Variants in CABLES2 observed in about 807,000 individuals in gnomAD.
The protein encoded by CABLES2 is Cdk5 and Abl enzyme substrate 2.
In CABLES2, 35 loss-of-function variants were observed where a neutral mutation model predicts 44.8. The ratio of observed to expected loss-of-function variants is 0.78; its 90% CI spans 0.60 to 1.04. The LOEUF is 1.04. Among genes scored for constraint, CABLES2 ranks in the 50% least tolerant of loss-of-function variants. The probability of loss-of-function intolerance (pLI) is 0.00; values close to 1 mark genes in which losing one functional copy is unlikely to be tolerated. For synonymous variants in CABLES2, 282 were observed against 281.1 expected (o/e 1.00, Z -0.03); for missense variants, 566 against 615.7 (o/e 0.92, Z 0.85).
intron 1 of CABLES2, among the ~76,000 whole-genome samples, chr20:62,398,784 G>A (rs1601476905): frequency 1.3e-5 from 2 of 152,300 alleles, no homozygotes; most frequent in South Asian, 2.1e-4. Context: ...CTGTGCCAGC[G>A]AGAGTGCCAC....
At chr20:62,394,073 C>G in intron 5 of CABLES2, 84 bp downstream of exon 5, 1 of 1,025,422 alleles carries the variant, frequency 9.8e-7, no homozygotes, top group South Asian at 1.3e-5. Context: ...TCACGTGTGC[C>G]TCGTGGGCAC....
chr20:62,391,783 G>A lies in CABLES2; in HGVS notation c.1092-330C>T, dbSNP rs1195175170. Among the ~76,000 whole-genome samples the A allele has an allele frequency of 6.6e-6, 1 of 152,004 alleles. No individual in the cohort carries two copies. The highest frequency in any genetic ancestry group is 1.9e-4 in the East Asian group (1 of 5,162). On this transcript the variant is annotated intron_variant, in intron 8 of 9. Coordinates refer to ENST00000279101, the MANE Select transcript of CABLES2 (RefSeq NM_031215.3). The surrounding 1 kb of genome is among the most constrained non-coding windows in gnomAD (Gnocchi z 5.7). ...TGGTCTCTGATGAGGGGTGGTTTTAGGAAGAGCCTTGAAGGGAGGTGCCAG... is the reference window on the plus strand; with the variant it reads ...TGGTCTCTGATGAGGGGTGGTTTTAAGAAGAGCCTTGAAGGGAGGTGCCAG...
rs202116054 is a variant in CABLES2 at position 62,394,225 on chromosome 20, C to T, written c.646G>A (p.Gly216Ser). The change falls in exon 5 of 10, where the codon GGC becomes AGC. Residue 216 changes from glycine to serine, a missense_variant. By Grantham distance (56) the Gly-to-Ser change is moderately conservative (BLOSUM62 0). Transcript: ENST00000279101. ...VDSQKQRHPSGGVSVSSEMVF... is the reference protein window; with the variant it reads ...VDSQKQRHPSSGVSVSSEMVF... ...ATCTCGGAAGACACAGAGACGCCGC[C>T]GGACGGGTGCCTCTGCTTCTGGCTG... 42 of 1,613,466 alleles carry T rather than the reference C, an allele frequency of 2.6e-5. No homozygotes were observed. The highest frequency in any genetic ancestry group is 4.4e-5 in the South Asian group (4 of 91,084).
rs997964200 is a variant in CABLES2, at chr20:62,390,901, G to A, written c.*70C>T. 1.6e-5 allele frequency: 25 copies of A among 1,584,110 alleles called. No homozygotes were observed. In the African/African-American group the frequency reaches 3.0e-4, roughly 19 times the overall value. On this transcript the variant is annotated 3_prime_UTR_variant, in exon 10 of 10. Coordinates refer to ENST00000279101, the MANE Select transcript of CABLES2 (RefSeq NM_031215.3). The stretch of plus-strand genomic sequence containing the variant: ...GGGGGTGCTGGCAGGAGGAGGCGCG[G>A]GGCTTCAGTGGGACACCTCCCAGGC...
In CABLES2 at chr20:62,391,382, A is replaced by T; in HGVS notation, c.1163T>A (p.Val388Glu). The change falls in exon 9 of 10, where the codon GTG (valine) becomes GAG (glutamate). Residue 388 changes from valine to glutamate, a missense_variant. Val to Glu is a moderately radical substitution (Grantham distance 121). Coordinates refer to ENST00000279101, the MANE Select transcript of CABLES2 (RefSeq NM_031215.3). This position sits in a 1 kb window ranked among gnomAD's most constrained non-coding sequence, Gnocchi z 5.7. ...CTGCAGGACCAGCTTCTCAAAGTAC[A>T]CGTAGGCCATGGCCACCGTCACGGG... Reference protein sequence around the residue: ...LEPVTVAMAYVYFEKLVLQGK... With the variant: ...LEPVTVAMAYEYFEKLVLQGK... 6.2e-7 allele frequency: 1 copy of T among 1,613,366 alleles called. No homozygotes were observed. Among genetic ancestry groups the T allele is most frequent in the Non-Finnish European group, 8.5e-7 (1 of 1,180,010 alleles).
At chr20:62,398,798 C>T (rs1171401521) in intron 1 of CABLES2, among the ~76,000 whole-genome samples, 2 of 152,208 alleles carry the variant, frequency 1.3e-5, no homozygotes, top group South Asian at 2.1e-4. Flanking sequence ...GTGCCACAGC[C>T]ACCACCTCAC....
Position 62,390,996 on chromosome 20 carries a change from TAATGAGGTAA to T in CABLES2, c.1402_1411del (p.Leu468ThrfsTer226). The T allele has an allele frequency of 6.2e-7, 1 of 1,614,070 alleles. No individual in the cohort carries two copies. The highest frequency in any genetic ancestry group is 8.5e-7 in the Non-Finnish European group (1 of 1,180,010). Reference sequence around the variant, plus strand: ...CTAGAACTGCTGGGTGAGGCGCCTGTAATGAGGTAACACTTGGTTCTCGGGAAGATACAGG... The same window carrying T: ...CTAGAACTGCTGGGTGAGGCGCCTGTCACTTGGTTCTCGGGAAGATACAGG... On this transcript the variant is annotated frameshift_variant, in exon 10 of 10. Coordinates refer to ENST00000279101, the MANE Select transcript of CABLES2 (RefSeq NM_031215.3). LOFTEE classifies it high-confidence loss of function.
rs770894028 is a variant in CABLES2 at position 62,391,267 on chromosome 20, G to A, written c.1278C>T (p.Gly426=). The change falls in exon 9 of 10, where the codon GGC becomes GGT. Residue 426 remains glycine, a synonymous_variant. Coordinates refer to ENST00000279101, the MANE Select transcript of CABLES2 (RefSeq NM_031215.3). The surrounding 1 kb of genome is among the most constrained non-coding windows in gnomAD (Gnocchi z 5.7). Reference sequence around the variant, plus strand: ...CACTCACATCGATGAGCTGCGTCACGCCGCTCTTGCGCAGGTCACTGCTGA... The same window carrying A: ...CACTCACATCGATGAGCTGCGTCACACCGCTCTTGCGCAGGTCACTGCTGA... ...AKISSDLRKS[G]VTQLIDKLEE... The A allele has an allele frequency of 1.9e-5, 30 of 1,609,758 alleles. No homozygotes were observed. Among genetic ancestry groups the A allele is most frequent in the Non-Finnish European group, 1.9e-5 (22 of 1,178,000 alleles).
At chr20:62,392,661 C>CT (rs1356209777) in intron 7 of CABLES2, among the ~76,000 whole-genome samples, 166 bp from the exon 8 acceptor site, 1 of 152,220 alleles carries the variant, frequency 6.6e-6, no homozygotes, top group African/African-American at 2.4e-5. Context: ...AGAGAGAACT[C>CT]CAGAGCCCAT....
rs1569017664 is a variant in CABLES2 at position 62,398,119 on chromosome 20, TGGTGGTTATGAC to T, written c.363-1539_363-1528del. ...GTGGTGGTGGTGATGGTGGTGGTGGTGGTGGTTATGACGGTGGTGATGGTGGTGGTGGTGGTG... is the reference window on the plus strand; with the variant it reads ...GTGGTGGTGGTGATGGTGGTGGTGGTGGTGGTGATGGTGGTGGTGGTGGTG... On this transcript the variant is annotated intron_variant, in intron 1 of 9. Coordinates refer to ENST00000279101, the MANE Select transcript of CABLES2 (RefSeq NM_031215.3). Among the ~76,000 whole-genome samples, 122 of 134,924 alleles carry T rather than the reference TGGTGGTTATGAC, an allele frequency of 9.0e-4. 6 individuals carry two copies. The East Asian group carries it at 0.023, about 25-fold the overall frequency. 88.5% of individuals were successfully genotyped at this position (134,924 alleles called of 152,430 possible). A position where few individuals can be genotyped will look rare whatever the true frequency, so the allele number is the denominator to read the frequency against.
intron 1 of CABLES2, among the ~76,000 whole-genome samples, chr20:62,399,299 G>A (rs895126781): frequency 1.4e-4 from 21 of 148,840 alleles, no homozygotes; most frequent in African/African-American, 5.0e-4. Context: ...AGGCTGGAGT[G>A]GAGGGGGCGC....
chr20:62,407,237 G>C lies in CABLES2; in HGVS notation c.40C>G (p.Pro14Ala), dbSNP rs1392401188. The C allele has an allele frequency of 1.2e-6, 1 of 845,172 alleles. No individual in the cohort carries two copies. The highest frequency in any genetic ancestry group is 1.4e-6 in the Non-Finnish European group (1 of 705,250). 52.4% of individuals were successfully genotyped at this position (845,172 alleles called of 1,614,324 possible). A position where few individuals can be genotyped will look rare whatever the true frequency, so the allele number is the denominator to read the frequency against. Residue 14 changes from proline to alanine, a missense_variant, in exon 1 of 10, where the codon CCC (proline) becomes GCC (alanine). Physicochemically the swap from Pro to Ala is conservative, Grantham distance 27. Transcript: ENST00000279101. ...AAAGGAPGPA[P>A]GPAGPPPPAA... The stretch of plus-strand genomic sequence containing the variant: ...GGTGGCGGGGGCCCGGCGGGGCCGG[G>C]GGCCGGGCCCGGGGCTCCACCGGCC...
At chr20:62,397,913 GGC>G (rs1988049996) in intron 1 of CABLES2, among the ~76,000 whole-genome samples, 1 of 121,632 alleles carries the variant, frequency 8.2e-6, no homozygotes, top group Non-Finnish European at 1.9e-5. Context: ...TGATGGTGAT[GGC>G]AGTGGTGATG....
chr20:62,398,055 GCGA>G (rs1422035439), intron 1 of CABLES2, among the ~76,000 whole-genome samples: 18 of 142,444 alleles, frequency 1.3e-4, no homozygotes, highest in Middle Eastern at 3.6e-3. Context: ...GGTGGTGATG[GCGA>G]TGGTGGTGGT....
intron 5 of CABLES2, 38 bp from the exon 6 acceptor site, chr20:62,393,643 C>T (rs1041345699): frequency 1.3e-6 from 2 of 1,529,252 alleles, no homozygotes; most frequent in African/African-American, 1.4e-5. Flanking sequence ...GCTCTGCCTC[C>T]CGGGACCAGA....
intron 1 of CABLES2, among the ~76,000 whole-genome samples, chr20:62,398,464 T>G (rs1300483020): frequency 6.6e-6 from 1 of 152,082 alleles, no homozygotes; most frequent in African/African-American, 2.4e-5. Flanking sequence ...TCTCAGCGTG[T>G]CAACAGTAGC....
chr20:62,395,702 G>A (rs1988006069), intron 3 of CABLES2, among the ~76,000 whole-genome samples: 1 of 152,224 alleles, frequency 6.6e-6, no homozygotes, highest in Admixed American at 6.5e-5. Context: ...GCTGGGAGCT[G>A]TACAGGACTG....
At chr20:62,399,074 G>A (rs773234512) in intron 1 of CABLES2, among the ~76,000 whole-genome samples, 3 of 152,090 alleles carry the variant, frequency 2.0e-5, no homozygotes, top group African/African-American at 4.8e-5. Context: ...AGCCTCCTAA[G>A]TAGCTGGAAT....
Position 62,390,990 on chromosome 20 carries a change from C to A in CABLES2, c.1418G>T (p.Arg473Leu), listed in dbSNP as rs576077601. 6.2e-7 allele frequency: 1 copy of A among 1,614,110 alleles called. No homozygotes were observed. Among genetic ancestry groups the A allele is most frequent in the Non-Finnish European group, 8.5e-7 (1 of 1,180,020 alleles). ...PENQVLPHYR[R>L]LTQQF is the part of the protein sequence containing the mutation. The stretch of plus-strand genomic sequence containing the variant: ...CCTCTGCTAGAACTGCTGGGTGAGG[C>A]GCCTGTAATGAGGTAACACTTGGTT... The change falls in exon 10 of 10, where the codon CGC becomes CTC. Residue 473 changes from arginine (R) to leucine (L), a missense_variant. By Grantham distance (102) the Arg-to-Leu change is moderately radical. Around this residue, in one of 2 missense-constraint regions of CABLES2, gnomAD observed 436 missense variants for 536.3 expected, o/e 0.81. Coordinates refer to ENST00000279101, the MANE Select transcript of CABLES2 (RefSeq NM_031215.3).
Sources: gnomAD v4.1 joint callset for allele counts (sites outside exome capture counted in the v4.1 genomes callset) on GRCh38, gnomAD v4.1.1 for gene constraint, gnomAD v4.1.1 regional missense constraint, Gnocchi (gnomAD v3.1) non-coding constraint, MANE v1.5 for transcripts, NCBI Gene and HGNC (gene_info 2026-07-23, HGNC 2026-07-21) for gene names.